Variants in GABRG3 observed in about 807,000 individuals in gnomAD.
GABRG3 encodes gamma-aminobutyric acid type A receptor subunit gamma3.
Under a neutral mutation model 48.8 loss-of-function variants are expected in GABRG3, and 25 were observed. That is an observed-to-expected ratio of 0.51 (90% confidence interval 0.37 to 0.72). The LOEUF is 0.72. Among genes scored for constraint, GABRG3 ranks in the 30% least tolerant of loss-of-function variants. The probability of loss-of-function intolerance (pLI) is 0.00; values close to 1 mark genes in which losing one functional copy is unlikely to be tolerated. For missense variants in GABRG3, 394 were observed against 577.9 expected (o/e 0.68, Z 3.26); for synonymous variants, 227 against 217.6 (o/e 1.04, Z -0.38).
intron 3 of GABRG3, among the ~76,000 whole-genome samples, chr15:27,128,586 A>G (rs1897862082): frequency 6.6e-6 from 1 of 152,126 alleles, no homozygotes; most frequent in African/African-American, 2.4e-5. Context: ...CTGATATTTT[A>G]TATATTTGGA....
chr15:27,353,426 C>CTATT (rs59969384), intron 5 of GABRG3, among the ~76,000 whole-genome samples: 11,673 of 146,064 alleles, frequency 0.08, 621 homozygotes, highest in African/African-American at 0.14. Flanking sequence ...TTCTTTCTTT[C>CTATT]TATTTATTTA....
rs1889972646 is a variant in GABRG3, at chr15:27,236,559, A to G, written c.271-90250A>G. Among the ~76,000 whole-genome samples, 1 of 152,230 alleles carries G rather than the reference A, an allele frequency of 6.6e-6. No individual in the cohort carries two copies. Among genetic ancestry groups the G allele is most frequent in the South Asian group, 2.1e-4 (1 of 4,830 alleles). On this transcript the variant is annotated intron_variant, in intron 3 of 9. Coordinates refer to ENST00000615808, the MANE Select transcript of GABRG3 (RefSeq NM_033223.5). The surrounding 1 kb of genome is among the most constrained non-coding windows in gnomAD (Gnocchi z 4.4). ...ACTTATCCCTTTATCGCCCTTAGCC[A>G]GTCACCTGAGGCCAGGATCAGACTC...
At chr15:27,374,683 C>A (rs1895533605) in intron 5 of GABRG3, among the ~76,000 whole-genome samples, 1 of 152,106 alleles carries the variant, frequency 6.6e-6, no homozygotes, top group South Asian at 2.1e-4. Context: ...AATGAAACAG[C>A]CACGCCAAGG....
chr15:27,086,395 C>T (rs550400542), intron 3 of GABRG3, among the ~76,000 whole-genome samples: 6 of 152,204 alleles, frequency 3.9e-5, no homozygotes, highest in Admixed American at 2.0e-4. Flanking sequence ...CACTCGGGCA[C>T]GTCTCTGAGC....
intron 5 of GABRG3, among the ~76,000 whole-genome samples, chr15:27,448,734 G>A (rs932142186): frequency 6.6e-6 from 1 of 152,006 alleles, no homozygotes. Flanking sequence ...ACAAAAAGCA[G>A]AAAATACATA....
At chr15:27,105,761 AACT>A (rs1398889201) in intron 3 of GABRG3, among the ~76,000 whole-genome samples, 1 of 152,128 alleles carries the variant, frequency 6.6e-6, no homozygotes, top group East Asian at 1.9e-4. Flanking sequence ...TTAAAAATAG[AACT>A]ACTATATGAC....
At chr15:27,328,962 A>G in intron 5 of GABRG3, 74 bp downstream of exon 5, 1 of 1,218,694 alleles carries the variant, frequency 8.2e-7, no homozygotes, top group South Asian at 1.2e-5. Flanking sequence ...TCTGTCAAAC[A>G]GTCATGTGAT....
intron 3 of GABRG3, among the ~76,000 whole-genome samples, chr15:27,080,536 C>G (rs1896976031): frequency 6.6e-6 from 1 of 152,102 alleles, no homozygotes; most frequent in East Asian, 1.9e-4. Context: ...CCGAGCTATT[C>G]AGGAGGCCAG....
chr15:27,387,211 G>A (rs547379085), intron 5 of GABRG3, among the ~76,000 whole-genome samples: 1 of 151,456 alleles, frequency 6.6e-6, no homozygotes, highest in East Asian at 1.9e-4. Flanking sequence ...GTGATCTCTC[G>A]GTGTTGATGT....
intron 3 of GABRG3, among the ~76,000 whole-genome samples, chr15:27,192,416 G>T (rs534081938): frequency 2.6e-5 from 4 of 152,174 alleles, no homozygotes; most frequent in Admixed American, 2.6e-4. Context: ...TGGAGGCTTT[G>T]TTCGTTTCTT....
intron 5 of GABRG3, among the ~76,000 whole-genome samples, chr15:27,479,523 A>G (rs1056215628): frequency 2.0e-5 from 3 of 152,238 alleles, no homozygotes; most frequent in Non-Finnish European, 4.4e-5. Flanking sequence ...AAAATGAAGA[A>G]GGCAGATTGC....
chr15:27,492,117 G>A (rs1229704894), intron 6 of GABRG3, among the ~76,000 whole-genome samples: 1 of 152,118 alleles, frequency 6.6e-6, no homozygotes, highest in Non-Finnish European at 1.5e-5. Context: ...ATTGTGATTA[G>A]CCCATTTGTC....
intron 5 of GABRG3, chr15:27,422,344 A>G (rs1469635036): frequency 6.6e-6 from 1 of 152,538 alleles, no homozygotes; most frequent in Non-Finnish European, 1.5e-5. Context: ...TAAGATATCC[A>G]TGGGAATGGG....
At chr15:27,306,603 GTTTATATATAAACATATATAATATA>G (rs1566768505) in intron 3 of GABRG3, among the ~76,000 whole-genome samples, 2 of 60,658 alleles carry the variant, frequency 3.3e-5, no homozygotes, top group African/African-American at 9.3e-5. Context: ...ATAAACATAT[GTTTATATATAAACATATATAATATA>G]AACATATATT....
chr15:27,251,910 T>A (rs1200244298), intron 3 of GABRG3, among the ~76,000 whole-genome samples: 2 of 152,138 alleles, frequency 1.3e-5, no homozygotes, highest in African/African-American at 4.8e-5. Flanking sequence ...CTTGCCACAG[T>A]CAGATGTGGC....
rs1056918549 is a variant in GABRG3, at chr15:27,332,129, A to T, written c.574+3241A>T. Reference sequence around the variant, plus strand: ...TTGGTAATTTGGAGTGATGGAGGATACTTGCATCTAAATCAGTTTGGTACC... The same window carrying T: ...TTGGTAATTTGGAGTGATGGAGGATTCTTGCATCTAAATCAGTTTGGTACC... On this transcript the variant is annotated intron_variant, in intron 5 of 9. Coordinates refer to ENST00000615808, the MANE Select transcript of GABRG3 (RefSeq NM_033223.5). Among the ~76,000 whole-genome samples the T allele has an allele frequency of 2.6e-5, 4 of 152,224 alleles. No homozygotes were observed. The East Asian group carries it at 7.7e-4, about 29-fold the overall frequency.
At chr15:27,515,386 A>T (rs1321805187) in intron 6 of GABRG3, among the ~76,000 whole-genome samples, 3 of 152,086 alleles carry the variant, frequency 2.0e-5, no homozygotes, top group Admixed American at 6.6e-5. Context: ...AGCCACCGCG[A>T]CCGGCTGGAA....
intron 5 of GABRG3, among the ~76,000 whole-genome samples, chr15:27,354,392 T>C (rs1452032969): frequency 6.6e-6 from 1 of 152,166 alleles, no homozygotes; most frequent in Non-Finnish European, 1.5e-5. Flanking sequence ...AGCAAATCCT[T>C]CGCCAACATT....
intron 3 of GABRG3, among the ~76,000 whole-genome samples, chr15:27,150,727 C>G (rs182999347): frequency 9.2e-5 from 14 of 152,326 alleles, no homozygotes; most frequent in Non-Finnish European, 1.8e-4. Context: ...TCACACAACT[C>G]GTTACTGGCA....
Sources: gnomAD v4.1 joint callset for allele counts (sites outside exome capture counted in the v4.1 genomes callset) on GRCh38, gnomAD v4.1.1 for gene constraint, Gnocchi (gnomAD v3.1) non-coding constraint, MANE v1.5 for transcripts, NCBI Gene and HGNC (gene_info 2026-07-23, HGNC 2026-07-21) for gene names.